The following ACTN1 variants were observed in gnomAD, a reference collection of about 807,000 sequenced individuals.
ACTN1 encodes alpha-actinin-1.
Under a neutral mutation model 119.6 loss-of-function variants are expected in ACTN1, and 30 were observed. The ratio of observed to expected loss-of-function variants is 0.25; its 90% CI spans 0.19 to 0.34. The LOEUF (loss-of-function observed/expected upper bound fraction) is 0.34. Ranked by LOEUF, ACTN1 falls within the 10% of genes least tolerant of loss-of-function variation. The probability of loss-of-function intolerance (pLI) is 1.00; values close to 1 mark genes in which losing one functional copy is unlikely to be tolerated. For missense variants in ACTN1, 764 were observed against 1,223.4 expected, an observed-to-expected ratio of 0.62 and a Z score of 5.60; for synonymous variants, 429 against 472.6, an observed-to-expected ratio of 0.91 and a Z score of 1.20.
chr14:68,943,944 G>A (rs1324298944), intron 1 of ACTN1, among the ~76,000 whole-genome samples: 1 of 152,116 alleles, frequency 6.6e-6, no homozygotes, highest in Non-Finnish European at 1.5e-5. Context: ...GGGGAATGAT[G>A]GGGACTCATC....
intron 13 of ACTN1, 72 bp downstream of exon 13, chr14:68,884,703 G>C: frequency 7.8e-7 from 1 of 1,290,258 alleles, no homozygotes; most frequent in Non-Finnish European, 1.1e-6. Context: ...AAAGCAAAGA[G>C]AGTCAAGAAG....
chr14:68,920,589 T>A (rs936233154), intron 3 of ACTN1, among the ~76,000 whole-genome samples: 1 of 152,278 alleles, frequency 6.6e-6, no homozygotes. Context: ...GGGACTTCAG[T>A]CTTCCCAGGG....
intron 3 of ACTN1, among the ~76,000 whole-genome samples, chr14:68,916,120 T>A (rs2034279282): frequency 6.6e-6 from 1 of 152,170 alleles, no homozygotes; most frequent in African/African-American, 2.4e-5. Context: ...AGGTAAAAAA[T>A]TTCATAAACA....
chr14:68,942,872 T>C (rs2035809005), intron 1 of ACTN1, among the ~76,000 whole-genome samples: 1 of 152,088 alleles, frequency 6.6e-6, no homozygotes, highest in African/African-American at 2.4e-5. Context: ...ACAATCTGCA[T>C]ATCCATCACA....
intron 11 of ACTN1, among the ~76,000 whole-genome samples, chr14:68,889,929 G>T (rs1290188587): frequency 6.6e-6 from 1 of 152,258 alleles, no homozygotes; most frequent in African/African-American, 2.4e-5. Flanking sequence ...ATTCTTACAA[G>T]CCTGTGAGGT....
chr14:68,918,584 CA>C (rs1056979735), intron 3 of ACTN1, among the ~76,000 whole-genome samples: 215 of 119,142 alleles, frequency 1.8e-3, no homozygotes, highest in Non-Finnish European at 1.7e-3. Flanking sequence ...GACTCCGTCT[CA>C]AAAAAAAAAA....
rs924205303 is a variant in ACTN1, at chr14:68,959,982, A to G, written c.105+18970T>C. On this transcript the variant is annotated intron_variant, in intron 1 of 21. Transcript: ENST00000394419. The stretch of plus-strand genomic sequence containing the variant: ...ATCCATGTTGTATGTTACATACTGC[A>G]TTCTTAAAATAAGGTAAGCTACAGA... Among the ~76,000 whole-genome samples the G allele has an allele frequency of 2.0e-5, 3 of 152,246 alleles. No individual in the cohort carries two copies. In the East Asian group the frequency reaches 5.8e-4, roughly 29 times the overall value.
At chr14:68,890,822 T>G (rs1488655944) in intron 10 of ACTN1, among the ~76,000 whole-genome samples, 1 of 152,174 alleles carries the variant, frequency 6.6e-6, no homozygotes, top group East Asian at 1.9e-4. Flanking sequence ...GGACAGATGC[T>G]GAGTGCAAAC....
At chr14:68,938,913 G>A (rs1025841362) in intron 1 of ACTN1, among the ~76,000 whole-genome samples, 55 of 152,136 alleles carry the variant, frequency 3.6e-4, no homozygotes, top group Admixed American at 2.1e-3. Flanking sequence ...GATGGGGAGG[G>A]GGGAGTGGAG....
At chr14:68,915,068 A>G (rs2034211992) in intron 3 of ACTN1, among the ~76,000 whole-genome samples, 1 of 151,914 alleles carries the variant, frequency 6.6e-6, no homozygotes, top group South Asian at 2.1e-4. Context: ...TATTTATCAC[A>G]CCCCGTACTT....
intron 1 of ACTN1, among the ~76,000 whole-genome samples, chr14:68,963,924 A>T (rs2036619968): frequency 6.6e-6 from 1 of 152,182 alleles, no homozygotes; most frequent in Non-Finnish European, 1.5e-5. Context: ...CATAAGTTTT[A>T]AAAAAATTCA....
At chr14:68,933,183 G>A (rs1321555706) in intron 1 of ACTN1, among the ~76,000 whole-genome samples, 2 of 152,122 alleles carry the variant, frequency 1.3e-5, no homozygotes, top group East Asian at 3.9e-4. Flanking sequence ...GCCCTGGCTG[G>A]AGTGCAGTGG....
intron 1 of ACTN1, among the ~76,000 whole-genome samples, chr14:68,969,522 T>C (rs1312867784): frequency 2.0e-5 from 3 of 152,098 alleles, no homozygotes; most frequent in Non-Finnish European, 2.9e-5. Flanking sequence ...CTGCGGAGTT[T>C]AAAAGGGAGC....
chr14:68,879,959 C>G lies in ACTN1; in HGVS notation c.2280+3G>C, dbSNP rs1566589654. On this transcript the variant is annotated splice_donor_region_variant and intron_variant, in intron 18 of 21. Transcript: ENST00000394419. The surrounding 1 kb of genome is among the most constrained non-coding windows in gnomAD (Gnocchi z 4.9). ...CTAAGAAAGCACAGGATGGGGCTCT[C>G]ACCCGGTCAAAGTGGTTGAAGGAGG... 1 of 1,614,038 alleles carries G rather than the reference C, an allele frequency of 6.2e-7. No individual in the cohort carries two copies. The highest frequency in any genetic ancestry group is 8.5e-7 in the Non-Finnish European group (1 of 1,179,894).
At chr14:68,958,421 C>A (rs1251879518) in intron 1 of ACTN1, among the ~76,000 whole-genome samples, 1 of 152,098 alleles carries the variant, frequency 6.6e-6, no homozygotes. Context: ...CACCTCTGTG[C>A]TCTCAGGGTG....
intron 3 of ACTN1, among the ~76,000 whole-genome samples, chr14:68,917,423 G>C (rs543691994): frequency 6.6e-6 from 1 of 152,092 alleles, no homozygotes; most frequent in Non-Finnish European, 1.5e-5. Flanking sequence ...AGACTTTGGT[G>C]GGGGGTGAGG....
chr14:68,978,052 C>G (rs1387704242), intron 1 of ACTN1: 4 of 455,934 alleles, frequency 8.8e-6, no homozygotes, highest in African/African-American at 8.0e-5. Context: ...CGGGTCCCAT[C>G]GCCAGCTCCG....
At chr14:68,904,018 C>CA (rs1474330864) in intron 7 of ACTN1, among the ~76,000 whole-genome samples, 1 of 152,182 alleles carries the variant, frequency 6.6e-6, no homozygotes, top group Non-Finnish European at 1.5e-5. Context: ...ACAGAAAAGT[C>CA]AACACTCAAC....
intron 7 of ACTN1, among the ~76,000 whole-genome samples, chr14:68,903,186 G>A (rs1285042494): frequency 6.6e-6 from 1 of 152,174 alleles, no homozygotes; most frequent in Non-Finnish European, 1.5e-5. Context: ...ATTCTATCTG[G>A]ATGATGGAAA....
Sources: gnomAD v4.1 joint callset for allele counts (sites outside exome capture counted in the v4.1 genomes callset) on GRCh38, gnomAD v4.1.1 for gene constraint, Gnocchi (gnomAD v3.1) non-coding constraint, MANE v1.5 for transcripts, NCBI Gene and HGNC (gene_info 2026-07-23, HGNC 2026-07-21) for gene names.